Variants in NALCN observed in about 807,000 individuals in gnomAD.
NALCN encodes the protein sodium leak channel, non-selective, also known as sodium leak channel NALCN.
In NALCN, 111 loss-of-function variants were observed where a neutral mutation model predicts 225.3. The ratio of observed to expected loss-of-function variants is 0.49; its 90% CI spans 0.42 to 0.58. The LOEUF is 0.58. Among genes scored for constraint, NALCN ranks in the 20% least tolerant of loss-of-function variants. The pLI is 0.00. For missense variants in NALCN, 1,378 were observed against 2,202.4 expected, an observed-to-expected ratio of 0.63 and a Z score of 7.49; for synonymous variants, 764 against 769.0, an observed-to-expected ratio of 0.99 and a Z score of 0.11.
chr13:101,088,059 AG>A (rs1401380951), intron 30 of NALCN, among the ~76,000 whole-genome samples: 1 of 152,024 alleles, frequency 6.6e-6, no homozygotes, highest in Admixed American at 6.6e-5. Context: ...TAGGGCTCAA[AG>A]CATCTCGTTA....
At chr13:101,388,577 T>C (rs2047057432) in intron 3 of NALCN, among the ~76,000 whole-genome samples, 1 of 152,194 alleles carries the variant, frequency 6.6e-6, no homozygotes, top group African/African-American at 2.4e-5. Context: ...CTTCTAACAT[T>C]TACATTATTA....
At chr13:101,141,856 G>A (rs1254384241) in intron 17 of NALCN, among the ~76,000 whole-genome samples, 2 of 152,064 alleles carry the variant, frequency 1.3e-5, no homozygotes, top group Non-Finnish European at 2.9e-5. Flanking sequence ...AAGAAAAAGG[G>A]CAGTAACAAT....
At chr13:101,386,838 A>G (rs1402496985) in intron 3 of NALCN, among the ~76,000 whole-genome samples, 1 of 148,138 alleles carries the variant, frequency 6.8e-6, no homozygotes, top group East Asian at 2.2e-4. Flanking sequence ...AGAACTGTGC[A>G]TGACAGCTGG....
chr13:101,081,711 C>A, intron 33 of NALCN, 65 bp from the exon 34 acceptor site: 2 of 1,561,954 alleles, frequency 1.3e-6, no homozygotes, highest in South Asian at 2.3e-5. Flanking sequence ...AATGTATTAA[C>A]TTGAGATGCA....
intron 34 of NALCN, among the ~76,000 whole-genome samples, chr13:101,077,831 C>T (rs767045796): frequency 6.6e-6 from 1 of 152,186 alleles, no homozygotes; most frequent in Non-Finnish European, 1.5e-5. Context: ...ATGCCAGAGA[C>T]CTTCACAGCA....
chr13:101,134,682 G>T (rs985744317), intron 17 of NALCN, among the ~76,000 whole-genome samples: 1 of 152,122 alleles, frequency 6.6e-6, no homozygotes, highest in Admixed American at 6.5e-5. Context: ...TGTAATATTA[G>T]AAACTAAACA....
Position 101,065,384 on chromosome 13 carries a change from T to A in NALCN, c.4604+20A>T, listed in dbSNP as rs2032290505. ...GTGGTTTCTGGCCCCCATTCAGCCCTGCGAAAGCCTGCCTTGTACCTCAGG... is the reference window on the plus strand; with the variant it reads ...GTGGTTTCTGGCCCCCATTCAGCCCAGCGAAAGCCTGCCTTGTACCTCAGG... On this transcript the variant is annotated intron_variant, in intron 40 of 43. Transcript: ENST00000251127. 1.9e-6 allele frequency: 3 copies of A among 1,613,406 alleles called. No homozygotes were observed. Among genetic ancestry groups the A allele is most frequent in the Non-Finnish European group, 8.5e-7 (1 of 1,179,604 alleles).
At chr13:101,219,104 T>TA (rs1431406789) in intron 13 of NALCN, among the ~76,000 whole-genome samples, 1 of 152,162 alleles carries the variant, frequency 6.6e-6, no homozygotes, top group African/African-American at 2.4e-5. Flanking sequence ...GATATCAACA[T>TA]ACATTTTTGG....
At chr13:101,122,448 T>C (rs1481440957) in intron 18 of NALCN, among the ~76,000 whole-genome samples, 1 of 152,210 alleles carries the variant, frequency 6.6e-6, no homozygotes, top group Non-Finnish European at 1.5e-5. Flanking sequence ...GGGTATCCCC[T>C]AAACTACACC....
At chr13:101,197,424 T>A (rs1426701514) in intron 13 of NALCN, among the ~76,000 whole-genome samples, 3 of 152,186 alleles carry the variant, frequency 2.0e-5, no homozygotes, top group Non-Finnish European at 4.4e-5. Context: ...TATAATTTTC[T>A]CAGGTCATTT....
At chr13:101,406,963 G>C (rs2047642633) in intron 1 of NALCN, among the ~76,000 whole-genome samples, 1 of 152,246 alleles carries the variant, frequency 6.6e-6, no homozygotes, top group South Asian at 2.1e-4. Flanking sequence ...TGACTGACTA[G>C]GCTAAGAATA....
intron 13 of NALCN, among the ~76,000 whole-genome samples, chr13:101,220,942 G>T (rs752460889): frequency 1.3e-5 from 2 of 151,722 alleles, no homozygotes; most frequent in Non-Finnish European, 2.9e-5. Flanking sequence ...AACACATTTC[G>T]GCTTACATCT....
rs151296582 is a variant in NALCN, at chr13:101,077,553, G to A, written c.3886-1612C>T. Among the ~76,000 whole-genome samples, 1,255 of 152,254 alleles carry A rather than the reference G, an allele frequency of 8.2e-3. 21 individuals carry two copies. The highest frequency in any genetic ancestry group is 0.027 in the African/African-American group (1,138 of 41,552). ...TTGTTATGCTTTAGCAAAGAGACTGGCAGCATTTTGCCCCTGCCCTAGAGA... is the reference window on the plus strand; with the variant it reads ...TTGTTATGCTTTAGCAAAGAGACTGACAGCATTTTGCCCCTGCCCTAGAGA... On this transcript the variant is annotated intron_variant, in intron 34 of 43. Transcript: ENST00000251127.
At chr13:101,150,817 A>C (rs2037610471) in intron 15 of NALCN, among the ~76,000 whole-genome samples, 1 of 152,236 alleles carries the variant, frequency 6.6e-6, no homozygotes, top group Non-Finnish European at 1.5e-5. Flanking sequence ...ACATAAAGTA[A>C]TTATAATTGT....
At chr13:101,098,342 A>G (rs1490005749) in intron 27 of NALCN, among the ~76,000 whole-genome samples, 1 of 152,124 alleles carries the variant, frequency 6.6e-6, no homozygotes, top group Non-Finnish European at 1.5e-5. Context: ...ATGCCACAAA[A>G]CAGAAGCAAG....
intron 12 of NALCN, among the ~76,000 whole-genome samples, chr13:101,231,863 T>C (rs993055644): frequency 3.3e-5 from 5 of 152,332 alleles, no homozygotes; most frequent in African/African-American, 1.2e-4. Context: ...AAATCATTCC[T>C]ACCCCAGCCT....
chr13:101,164,809 A>G (rs144919659), intron 15 of NALCN, among the ~76,000 whole-genome samples: 37 of 152,366 alleles, frequency 2.4e-4, no homozygotes, highest in Middle Eastern at 3.4e-3. Context: ...CTATTTCAGA[A>G]ATAGCAGATC....
At chr13:101,282,654 C>G (rs1238380437) in intron 10 of NALCN, among the ~76,000 whole-genome samples, 4 of 152,116 alleles carry the variant, frequency 2.6e-5, no homozygotes, top group Non-Finnish European at 5.9e-5. Flanking sequence ...TGTTACCCCC[C>G]ACCCCACACA....
intron 7 of NALCN, among the ~76,000 whole-genome samples, chr13:101,307,443 T>C (rs1339223706): frequency 1.3e-5 from 2 of 152,178 alleles, no homozygotes; most frequent in African/African-American, 4.8e-5. Flanking sequence ...GAAAAGACTG[T>C]GGCTTAATGA....
Sources: gnomAD v4.1 joint callset for allele counts (sites outside exome capture counted in the v4.1 genomes callset) on GRCh38, gnomAD v4.1.1 for gene constraint, MANE v1.5 for transcripts, NCBI Gene and HGNC (gene_info 2026-07-23, HGNC 2026-07-21) for gene names.